Variants in SH3GLB1 observed in about 807,000 individuals in gnomAD.
The protein encoded by SH3GLB1 is SH3 domain containing GRB2 like, endophilin B1, also known as endophilin-B1.
A neutral mutation model predicts 42.0 loss-of-function variants in SH3GLB1; 17 were observed. The ratio of observed to expected loss-of-function variants is 0.40; its 90% confidence interval spans 0.28 to 0.61. The LOEUF is 0.61. Ranked by LOEUF, SH3GLB1 falls within the 20% of genes least tolerant of loss-of-function variation. The probability of loss-of-function intolerance (pLI) is 0.36; values close to 1 mark genes in which losing one functional copy is unlikely to be tolerated. For synonymous variants in SH3GLB1, 132 were observed against 146.6 expected, an observed-to-expected ratio of 0.90 and a Z score of 0.72; for missense variants, 355 against 426.3, an observed-to-expected ratio of 0.83 and a Z score of 1.47.
Position 86,743,260 on chromosome 1 carries a change from C to CCAG in SH3GLB1, c.*27_*28insGCA. The CCAG allele has an allele frequency of 6.6e-7, 1 of 1,504,908 alleles. No homozygotes were observed. The highest frequency in any genetic ancestry group is 9.0e-7 in the Non-Finnish European group (1 of 1,107,152). 93.2% of individuals were successfully genotyped at this position (1,504,908 alleles called of 1,614,324 possible). ...AGTAGGTGGACTATGGAAAGGTTGC[C>CCAG]CATCATGACTTTGTATTTATATACA... On this transcript the variant is annotated 3_prime_UTR_variant, in exon 9 of 9. Transcript: ENST00000370558.
At position 86,742,421 on chromosome 1, in the gene SH3GLB1, A is replaced by G; in HGVS notation, c.975A>G (p.Ser325=). Residue 325 remains serine, a synonymous_variant, in exon 8 of 9, where the codon TCA becomes TCG. Transcript: ENST00000370558. ...ATGCAGCAAACAGTACTGAATTATC[A>G]CTTCTGGCAGATGAGGTGAGTATTG... ...DYDAANSTEL[S]LLADEVITVF... 1 of 1,613,932 alleles carries G rather than the reference A, an allele frequency of 6.2e-7. No individual in the cohort carries two copies.
chr1:86,705,089 A>C (rs1653757635), intron 1 of SH3GLB1, 118 bp downstream of exon 1: 1 of 655,220 alleles, frequency 1.5e-6, no homozygotes, highest in South Asian at 2.1e-5. Flanking sequence ...TGCTGCAGCC[A>C]GAGGCCTGGG....
intron 1 of SH3GLB1, among the ~76,000 whole-genome samples, chr1:86,713,486 T>C: frequency 6.6e-6 from 1 of 152,212 alleles, no homozygotes; most frequent in Non-Finnish European, 1.5e-5. Flanking sequence ...ATATTTAATA[T>C]GTGTGAGGGT....
At chr1:86,715,146 A>G (rs985697090) in intron 1 of SH3GLB1, among the ~76,000 whole-genome samples, 4 of 152,214 alleles carry the variant, frequency 2.6e-5, no homozygotes, top group African/African-American at 9.6e-5. Flanking sequence ...AAGTGCTAAT[A>G]AGACATAAAC....
rs757330434 is a variant in SH3GLB1, at chr1:86,742,188, C to A, written c.762-20C>A. Reference sequence around the variant, plus strand: ...TTTAGTCACTTGGAAATAAATAATTCGCTGCTTTCTTTTCAACAGTTTTCC... The same window carrying A: ...TTTAGTCACTTGGAAATAAATAATTAGCTGCTTTCTTTTCAACAGTTTTCC... On this transcript the variant is annotated intron_variant, in intron 7 of 8. Transcript: ENST00000370558. 1.9e-6 allele frequency: 3 copies of A among 1,590,396 alleles called. No individual in the cohort carries two copies. The highest frequency in any genetic ancestry group is 2.6e-6 in the Non-Finnish European group (3 of 1,158,804).
intron 5 of SH3GLB1, among the ~76,000 whole-genome samples, chr1:86,726,813 T>C (rs913512762): frequency 8.6e-5 from 13 of 151,884 alleles, no homozygotes; most frequent in South Asian, 8.3e-4. Context: ...ATCCTTTTTT[T>C]CCCCCCTGTA....
chr1:86,737,872 A>G (rs1003474796), intron 7 of SH3GLB1, among the ~76,000 whole-genome samples: 14 of 152,198 alleles, frequency 9.2e-5, no homozygotes, highest in African/African-American at 3.1e-4. Context: ...TAGAGGGTGC[A>G]GCAAGTACAA....
chr1:86,724,892 A>AAAAAAAAAATATATAT (rs1291454820), intron 5 of SH3GLB1, among the ~76,000 whole-genome samples: 1 of 99,700 alleles, frequency 1.0e-5, no homozygotes, highest in African/African-American at 5.4e-5. Context: ...AAAAAAAAAA[A>AAAAAAAAAATATATAT]ATATATATAT....
At chr1:86,710,217 A>G (rs944879088) in intron 1 of SH3GLB1, among the ~76,000 whole-genome samples, 9 of 152,228 alleles carry the variant, frequency 5.9e-5, no homozygotes, top group African/African-American at 1.9e-4. Context: ...GAGTAAGGTA[A>G]TTAGAAAATC....
chr1:86,722,501 T>A (rs983340503), intron 3 of SH3GLB1, 39 bp from the exon 4 acceptor site: 1 of 1,538,518 alleles, frequency 6.5e-7, no homozygotes, highest in Non-Finnish European at 8.7e-7. Flanking sequence ...TTTCTGGTAT[T>A]ACCAGACAAT....
In SH3GLB1 at chr1:86,743,298, T is replaced by G; in HGVS notation, c.*63T>G. 9.0e-7 allele frequency: 1 copy of G among 1,114,878 alleles called. No homozygotes were observed. The highest frequency in any genetic ancestry group is 2.6e-5 in the Admixed American group (1 of 39,016). 69.1% of individuals were successfully genotyped at this position (1,114,878 alleles called of 1,614,324 possible). A position where few individuals can be genotyped will look rare whatever the true frequency, so the allele number is the denominator to read the frequency against. On this transcript the variant is annotated 3_prime_UTR_variant, in exon 9 of 9. Coordinates refer to ENST00000370558, the MANE Select transcript of SH3GLB1 (RefSeq NM_016009.5). ...GTATTTATATACAATTAACTCTAAA[T>G]AAAGCAGGTTAAGTATCTTCCATGT...
chr1:86,737,478 G>T (rs934365297), intron 7 of SH3GLB1, among the ~76,000 whole-genome samples: 4 of 152,132 alleles, frequency 2.6e-5, no homozygotes, highest in African/African-American at 9.7e-5. Flanking sequence ...AGAAATGTAT[G>T]TATTTAATCC....
chr1:86,721,181 A>G (rs1654839104), intron 3 of SH3GLB1, among the ~76,000 whole-genome samples: 2 of 152,190 alleles, frequency 1.3e-5, no homozygotes. Context: ...TGGTTATTAG[A>G]ATTGGGCTTT....
intron 5 of SH3GLB1, chr1:86,730,145 A>G: frequency 6.3e-7 from 1 of 1,576,114 alleles, no homozygotes; most frequent in African/African-American, 1.4e-5. Context: ...ACTATGAAAC[A>G]AGAATTTAGT....
chr1:86,714,760 A>G (rs1351734093), intron 1 of SH3GLB1, among the ~76,000 whole-genome samples: 1 of 152,196 alleles, frequency 6.6e-6, no homozygotes, highest in Admixed American at 6.5e-5. Context: ...TGCTAGTGAT[A>G]TACCTGTGTT....
At chr1:86,716,001 G>A (rs1654504433) in intron 2 of SH3GLB1, 136 bp downstream of exon 2, 1 of 832,562 alleles carries the variant, frequency 1.2e-6, no homozygotes, top group African/African-American at 1.8e-5. Context: ...TTTTTTGTGT[G>A]TGCTTTTGTG....
chr1:86,736,578 C>T (rs1440185481), intron 7 of SH3GLB1, among the ~76,000 whole-genome samples: 1 of 152,324 alleles, frequency 6.6e-6, no homozygotes, highest in East Asian at 1.9e-4. Context: ...CTTTTTTCCA[C>T]TTTATCCTGA....
At chr1:86,712,834 T>A (rs913082495) in intron 1 of SH3GLB1, among the ~76,000 whole-genome samples, 97 of 152,238 alleles carry the variant, frequency 6.4e-4, no homozygotes, top group African/African-American at 2.3e-3. Context: ...TCTTTCTTCC[T>A]CAGACTCATA....
intron 1 of SH3GLB1, among the ~76,000 whole-genome samples, chr1:86,705,445 AAC>A (rs770367896): frequency 1.6e-4 from 25 of 152,130 alleles, no homozygotes; most frequent in Admixed American, 9.2e-4. Flanking sequence ...GAGAGCTGCC[AAC>A]ACAGTTCCCT....
Sources: gnomAD v4.1 joint callset for allele counts (sites outside exome capture counted in the v4.1 genomes callset) on GRCh38, gnomAD v4.1.1 for gene constraint, MANE v1.5 for transcripts, NCBI Gene and HGNC (gene_info 2026-07-23, HGNC 2026-07-21) for gene names.